The following LAPTM4B variants were observed in gnomAD, a reference collection of about 807,000 sequenced individuals.
The protein encoded by LAPTM4B is lysosomal protein transmembrane 4 beta.
A neutral mutation model predicts 28.5 loss-of-function variants in LAPTM4B; 26 were observed. That is an observed-to-expected ratio of 0.91 (90% CI 0.67 to 1.27). LAPTM4B has a LOEUF of 1.27. Ranked by LOEUF, LAPTM4B falls within the 50% of genes most tolerant of loss-of-function variation. LAPTM4B has a pLI of 0.00. For synonymous variants in LAPTM4B, 109 were observed against 106.4 expected, an observed-to-expected ratio of 1.02 and a Z score of -0.15; for missense variants, 288 against 285.8, an observed-to-expected ratio of 1.01 and a Z score of -0.06.
intron 1 of LAPTM4B, among the ~76,000 whole-genome samples, chr8:97,777,446 G>A (rs1267176042): frequency 6.6e-6 from 1 of 151,986 alleles, no homozygotes; most frequent in African/African-American, 2.4e-5. Context: ...CACCGCGCCC[G>A]GCCGAGAAAA....
At chr8:97,805,576 T>C (rs1816747367) in intron 2 of LAPTM4B, 112 bp downstream of exon 2, 1 of 683,446 alleles carries the variant, frequency 1.5e-6, no homozygotes, top group Admixed American at 2.3e-5. Flanking sequence ...ATATAACTTG[T>C]CATTGCAAAT....
chr8:97,807,197 G>A (rs1368610050), intron 2 of LAPTM4B, among the ~76,000 whole-genome samples: 2 of 152,182 alleles, frequency 1.3e-5, no homozygotes, highest in African/African-American at 4.8e-5. Flanking sequence ...TTGAGCTAGT[G>A]ACTTATCATT....
At position 97,775,935 on chromosome 8, in the gene LAPTM4B, C is replaced by G. The variant is rs959939906; in HGVS notation, c.-75C>G. ...GCGGCGGAGGAGCCGGCAGCAGCGG[C>G]GCGGCGGGCTCCAGGCGAGGCGGTC... On this transcript the variant is annotated 5_prime_UTR_variant, in exon 1 of 7. Coordinates refer to ENST00000521545, the MANE Select transcript of LAPTM4B (RefSeq NM_018407.6). The G allele has an allele frequency of 3.5e-5, 52 of 1,467,290 alleles. No homozygotes were observed. Among genetic ancestry groups the G allele is most frequent in the Non-Finnish European group, 4.3e-5 (48 of 1,117,916 alleles). The allele number at this position is 1,467,290 out of a possible 1,614,324, so 90.9% of individuals were successfully genotyped here.
At chr8:97,798,578 A>G (rs534956725) in intron 1 of LAPTM4B, among the ~76,000 whole-genome samples, 3 of 152,230 alleles carry the variant, frequency 2.0e-5, no homozygotes, top group African/African-American at 7.2e-5. Flanking sequence ...GAAAGAACAC[A>G]GGGCTAGAGG....
rs141457485 is a variant in LAPTM4B at position 97,795,636 on chromosome 8, T to A, written c.100-9717T>A. On this transcript the variant is annotated intron_variant, in intron 1 of 6. Coordinates refer to ENST00000521545, the MANE Select transcript of LAPTM4B (RefSeq NM_018407.6). Reference sequence around the variant, plus strand: ...GGGGGGCTGAGGTGGGTGGATCGCTTGAGGTCAGGAGTTTGAGACCAGCCT... The same window carrying A: ...GGGGGGCTGAGGTGGGTGGATCGCTAGAGGTCAGGAGTTTGAGACCAGCCT... Among the ~76,000 whole-genome samples the A allele has an allele frequency of 6.2e-3, 942 of 152,118 alleles. 7 individuals carry two copies. Among genetic ancestry groups the A allele is most frequent in the African/African-American group, 0.021 (889 of 41,498 alleles).
intron 6 of LAPTM4B, among the ~76,000 whole-genome samples, chr8:97,831,757 G>A (rs1817185974): frequency 6.6e-6 from 1 of 152,228 alleles, no homozygotes; most frequent in African/African-American, 2.4e-5. Context: ...CTGGAGCGGA[G>A]ACTGGAACGT....
intron 2 of LAPTM4B, among the ~76,000 whole-genome samples, chr8:97,812,034 G>C (rs1816836855): frequency 6.6e-6 from 1 of 151,814 alleles, no homozygotes; most frequent in Admixed American, 6.6e-5. Context: ...TTGAACTCCT[G>C]GGCTCAAGCG....
At chr8:97,809,152 A>G (rs1816793785) in intron 2 of LAPTM4B, among the ~76,000 whole-genome samples, 1 of 152,172 alleles carries the variant, frequency 6.6e-6, no homozygotes, top group African/African-American at 2.4e-5. Context: ...TCAGATAGTT[A>G]TTACCCAGCT....
intron 1 of LAPTM4B, among the ~76,000 whole-genome samples, chr8:97,793,165 G>A (rs1166877445): frequency 6.6e-6 from 1 of 152,068 alleles, no homozygotes; most frequent in Admixed American, 6.6e-5. Context: ...TAATATATAT[G>A]TGATGCTTAG....
At chr8:97,822,856 T>C (rs868774541) in intron 5 of LAPTM4B, among the ~76,000 whole-genome samples, 11 of 152,124 alleles carry the variant, frequency 7.2e-5, no homozygotes, top group Middle Eastern at 3.2e-3. Flanking sequence ...ATTTATTTTT[T>C]TTGAGACAAG....
chr8:97,782,279 C>CTTTTTTTTTTTTTTTTTTTT, intron 1 of LAPTM4B, among the ~76,000 whole-genome samples: 1 of 50,238 alleles, frequency 2.0e-5, no homozygotes, highest in African/African-American at 7.1e-5. Context: ...CCATGCCCAG[C>CTTTTTTTTTTTTTTTTTTTT]TTTTTTTTTT....
At chr8:97,812,224 TTTG>T (rs771989370) in intron 2 of LAPTM4B, among the ~76,000 whole-genome samples, 494 of 44,270 alleles carry the variant, frequency 0.011, 10 homozygotes, top group South Asian at 0.019. Flanking sequence ...TTTGTTGTTT[TTTG>T]TTTTTTTTTT....
chr8:97,832,753 C>G (rs1817202778), intron 6 of LAPTM4B, among the ~76,000 whole-genome samples: 1 of 145,928 alleles, frequency 6.9e-6, no homozygotes, highest in Admixed American at 6.9e-5. Flanking sequence ...GTCATCAAGG[C>G]TGGAGTGCAC....
At chr8:97,805,305 T>C (rs1773482707) in intron 1 of LAPTM4B, 48 bp from the exon 2 acceptor site, 2 of 1,099,444 alleles carry the variant, frequency 1.8e-6, no homozygotes, top group East Asian at 4.7e-5. Context: ...AAGGATTGCA[T>C]CCTGGGGTTA....
At chr8:97,801,760 C>G (rs1816683224) in intron 1 of LAPTM4B, among the ~76,000 whole-genome samples, 1 of 149,908 alleles carries the variant, frequency 6.7e-6, no homozygotes, top group Non-Finnish European at 1.5e-5. Flanking sequence ...GGGAGAATCA[C>G]TTGAACCTGG....
chr8:97,795,837 T>C (rs925881561), intron 1 of LAPTM4B, among the ~76,000 whole-genome samples: 8 of 114,132 alleles, frequency 7.0e-5, no homozygotes, highest in Non-Finnish European at 1.4e-4. Flanking sequence ...ACTCTGTCTT[T>C]AAAAAAAAAA....
intron 5 of LAPTM4B, among the ~76,000 whole-genome samples, chr8:97,822,534 T>TTATGTATG (rs568507182): frequency 1.5e-5 from 2 of 136,530 alleles, no homozygotes; most frequent in East Asian, 3.9e-4. Context: ...TCTATTTTAT[T>TTATGTATG]TATTTATTTA....
Position 97,851,573 on chromosome 8 carries a change from G to C in LAPTM4B, c.*99G>C. On this transcript the variant is annotated 3_prime_UTR_variant, in exon 7 of 7. Transcript: ENST00000521545. The stretch of plus-strand genomic sequence containing the variant: ...TTTTGCCATGAGCCTCTCTGAGCTT[G>C]TTTGTTGCTGAAATGCTACTTTTTA... 1.1e-6 allele frequency: 1 copy of C among 870,556 alleles called. No individual in the cohort carries two copies. Among genetic ancestry groups the C allele is most frequent in the South Asian group, 1.5e-5 (1 of 68,712 alleles). 53.9% of individuals were successfully genotyped at this position (870,556 alleles called of 1,614,324 possible). A position where few individuals can be genotyped will look rare whatever the true frequency, so the allele number is the denominator to read the frequency against.
At chr8:97,815,166 C>G in intron 2 of LAPTM4B, 162 bp from the exon 3 acceptor site, 2 of 614,142 alleles carry the variant, frequency 3.3e-6, no homozygotes, top group Non-Finnish European at 5.8e-6. Context: ...AATCTGTAAA[C>G]CAATATCCCT....
Sources: allele counts gnomAD v4.1 joint callset (sites outside exome capture counted in the v4.1 genomes callset), GRCh38; gene constraint gnomAD v4.1.1; transcripts MANE v1.5; gene names NCBI Gene and HGNC (gene_info 2026-07-23, HGNC 2026-07-21).